Variants in NDUFA12 observed in about 807,000 individuals in gnomAD.
The protein encoded by NDUFA12 is NADH:ubiquinone oxidoreductase subunit A12.
Under a neutral mutation model 20.3 loss-of-function variants are expected in NDUFA12, and 17 were observed. The ratio of observed to expected loss-of-function variants is 0.84; its 90% confidence interval spans 0.57 to 1.26. The LOEUF is 1.26. Among genes scored for constraint, NDUFA12 ranks in the 50% most tolerant of loss-of-function variants. The pLI is 0.00. For missense variants in NDUFA12, 191 were observed against 183.7 expected, an observed-to-expected ratio of 1.04 and a Z score of -0.23; for synonymous variants, 72 against 63.6, an observed-to-expected ratio of 1.13 and a Z score of -0.63.
intron 3 of NDUFA12, among the ~76,000 whole-genome samples, chr12:94,986,010 G>A (rs971666069): frequency 2.6e-5 from 4 of 151,888 alleles, no homozygotes; most frequent in African/African-American, 9.7e-5. Context: ...GCTTGAACCC[G>A]GGAGGCAGAG....
intron 3 of NDUFA12, among the ~76,000 whole-genome samples, chr12:94,981,153 G>C (rs1475472917): frequency 6.6e-6 from 1 of 152,192 alleles, no homozygotes; most frequent in Non-Finnish European, 1.5e-5. Context: ...ACTTGAGCTG[G>C]GCACGGTAGT....
At chr12:94,982,943 C>T (rs967802762) in intron 3 of NDUFA12, among the ~76,000 whole-genome samples, 1 of 152,132 alleles carries the variant, frequency 6.6e-6, no homozygotes, top group African/African-American at 2.4e-5. Flanking sequence ...GAATACTACA[C>T]TAGATAAAAT....
intron 2 of NDUFA12, among the ~76,000 whole-genome samples, chr12:94,996,526 C>T (rs940490991): frequency 6.6e-6 from 1 of 151,564 alleles, no homozygotes; most frequent in Non-Finnish European, 1.5e-5. Context: ...CAAGGGAGAA[C>T]AGAAGAAAGG....
intron 2 of NDUFA12, among the ~76,000 whole-genome samples, chr12:95,000,080 G>A (rs1455977064): frequency 6.6e-6 from 1 of 152,178 alleles, no homozygotes; most frequent in Admixed American, 6.5e-5. Context: ...CAACCTAAAT[G>A]CCCATCAGTG....
intron 3 of NDUFA12, among the ~76,000 whole-genome samples, chr12:94,975,179 AGT>A (rs1874027885): frequency 6.6e-6 from 1 of 152,220 alleles, no homozygotes; most frequent in Non-Finnish European, 1.5e-5. Context: ...AAAATTGAAA[AGT>A]GTATGTCCTA....
At chr12:94,997,636 A>T (rs1484116478) in intron 2 of NDUFA12, among the ~76,000 whole-genome samples, 1 of 152,196 alleles carries the variant, frequency 6.6e-6, no homozygotes, top group Non-Finnish European at 1.5e-5. Flanking sequence ...CCAAAATTGG[A>T]AACTTTTTTT....
chr12:94,984,919 A>G (rs1287365838), intron 3 of NDUFA12, among the ~76,000 whole-genome samples: 4 of 43,978 alleles, frequency 9.1e-5, no homozygotes, highest in Non-Finnish European at 1.3e-4. Context: ...CAGAGGTTGC[A>G]GTGAGTCAAG....
At chr12:95,000,047 T>C (rs990367166) in intron 2 of NDUFA12, among the ~76,000 whole-genome samples, 4 of 152,166 alleles carry the variant, frequency 2.6e-5, no homozygotes, top group Non-Finnish European at 4.4e-5. Context: ...GCAGCACAAT[T>C]TGTAATTGCA....
intron 3 of NDUFA12, among the ~76,000 whole-genome samples, chr12:94,976,547 T>G (rs1874070820): frequency 6.6e-6 from 1 of 152,208 alleles, no homozygotes; most frequent in Non-Finnish European, 1.5e-5. Context: ...TGTCTGCATA[T>G]GACTTCATTC....
In NDUFA12 at chr12:94,994,275, C is replaced by T. The variant is rs1399711823; in HGVS notation, c.170-18G>A. On this transcript the variant is annotated intron_variant, in intron 2 of 3. Transcript: ENST00000327772. ...GTGACGGCCTGGGTGGGAAGATGAA[C>T]ATTTAAAAAGAAAAACTTTTTTTTT... 6.2e-7 allele frequency: 1 copy of T among 1,605,394 alleles called. No homozygotes were observed. The highest frequency in any genetic ancestry group is 8.5e-7 in the Non-Finnish European group (1 of 1,173,364).
chr12:94,992,402 C>A (rs1477325505), intron 3 of NDUFA12, among the ~76,000 whole-genome samples: 1 of 152,154 alleles, frequency 6.6e-6, no homozygotes, highest in East Asian at 1.9e-4. Context: ...AAGATTACAG[C>A]CAAAGTTCTT....
At chr12:95,001,934 A>T (rs897335648) in intron 2 of NDUFA12, among the ~76,000 whole-genome samples, 12 of 151,446 alleles carry the variant, frequency 7.9e-5, no homozygotes, top group Non-Finnish European at 1.8e-4. Flanking sequence ...CGATCTCCTG[A>T]CCTCGTGATC....
At chr12:94,980,914 A>G (rs1248253328) in intron 3 of NDUFA12, among the ~76,000 whole-genome samples, 2 of 152,136 alleles carry the variant, frequency 1.3e-5, no homozygotes, top group Admixed American at 1.3e-4. Flanking sequence ...GAAAACAATA[A>G]TTTTATACAG....
chr12:94,980,660 T>C (rs748408881), intron 3 of NDUFA12, among the ~76,000 whole-genome samples: 6 of 152,214 alleles, frequency 3.9e-5, no homozygotes, highest in Non-Finnish European at 7.3e-5. Context: ...TTCAGTAAAT[T>C]AATTTTAATA....
intron 3 of NDUFA12, among the ~76,000 whole-genome samples, chr12:94,993,088 G>A (rs528733449): frequency 1.1e-4 from 16 of 152,168 alleles, no homozygotes; most frequent in African/African-American, 3.9e-4. Flanking sequence ...ACCAGGCATG[G>A]TGGCTCGTGC....
At chr12:94,985,626 C>CAAAAAAA (rs35674364) in intron 3 of NDUFA12, among the ~76,000 whole-genome samples, 2 of 43,578 alleles carry the variant, frequency 4.6e-5, no homozygotes, top group African/African-American at 1.8e-4. Context: ...GACTCCATCT[C>CAAAAAAA]AAAAAAAAAA....
chr12:94,971,378 G>A lies in NDUFA12; in HGVS notation c.*62C>T, dbSNP rs370796533. On this transcript the variant is annotated 3_prime_UTR_variant, in exon 4 of 4. Transcript: ENST00000327772. The stretch of plus-strand genomic sequence containing the variant: ...TGTGAATTATAGTGAATGGTAAACA[G>A]TAAAAGAGTAATTACATGAAAAGCT... 577 of 1,513,904 alleles carry A rather than the reference G, an allele frequency of 3.8e-4. 4 individuals are homozygous for A. The East Asian group carries it at 7.6e-3, about 20-fold the overall frequency. 93.8% of individuals were successfully genotyped at this position (1,513,904 alleles called of 1,614,324 possible).
intron 3 of NDUFA12, among the ~76,000 whole-genome samples, chr12:94,975,830 C>T (rs1202227829): frequency 5.3e-5 from 8 of 152,098 alleles, no homozygotes; most frequent in Non-Finnish European, 1.0e-4. Flanking sequence ...GGGAGGATCG[C>T]TTGAGGCCAT....
chr12:94,977,450 G>C (rs980902417), intron 3 of NDUFA12, among the ~76,000 whole-genome samples: 3 of 147,816 alleles, frequency 2.0e-5, no homozygotes, highest in Non-Finnish European at 4.5e-5. Flanking sequence ...TGGCCTAGGT[G>C]ACAGAGCAAG....
Sources: allele counts gnomAD v4.1 joint callset (sites outside exome capture counted in the v4.1 genomes callset), GRCh38; gene constraint gnomAD v4.1.1; transcripts MANE v1.5; gene names NCBI Gene and HGNC (gene_info 2026-07-23, HGNC 2026-07-21).